CELSR1: variants seen among roughly 807,000 people sequenced by gnomAD.
CELSR1 encodes the protein cadherin EGF LAG seven-pass G-type receptor 1.
A neutral mutation model predicts 249.1 loss-of-function variants in CELSR1; 110 were observed. That is an observed-to-expected ratio of 0.44 (90% confidence interval 0.38 to 0.52). The LOEUF is 0.52. Among genes scored for constraint, CELSR1 ranks in the 20% least tolerant of loss-of-function variants. The pLI, the probability that CELSR1 is intolerant of heterozygous loss-of-function variation, is 0.00. For synonymous variants in CELSR1, 2,113 were observed against 1,900.0 expected, an observed-to-expected ratio of 1.11 and a Z score of -2.92; for missense variants, 4,109 against 4,296.4, an observed-to-expected ratio of 0.96 and a Z score of 1.22.
intron 30 of CELSR1, among the ~76,000 whole-genome samples, 163 bp downstream of exon 30, chr22:46,366,223 G>T (rs1239274161): frequency 2.1e-5 from 1 of 47,118 alleles, no homozygotes; most frequent in Non-Finnish European, 3.9e-5. Context: ...GGGAGGGAAG[G>T]TGCGGGGCAG....
chr22:46,394,399 G>A (rs533737663), intron 13 of CELSR1, 137 bp from the exon 14 acceptor site: 84 of 983,914 alleles, frequency 8.5e-5, no homozygotes, highest in East Asian at 4.4e-4. Context: ...CCCCTTCCAC[G>A]TTACATGGCC....
intron 1 of CELSR1, among the ~76,000 whole-genome samples, chr22:46,474,234 C>T (rs995844365): frequency 1.3e-5 from 2 of 152,180 alleles, no homozygotes; most frequent in African/African-American, 4.8e-5. Context: ...TCCTTGTCCC[C>T]ATCTGTGCCA....
chr22:46,444,801 C>G (rs934346549), intron 2 of CELSR1, among the ~76,000 whole-genome samples: 12 of 152,136 alleles, frequency 7.9e-5, no homozygotes, highest in African/African-American at 2.9e-4. Context: ...GTGGATCTCT[C>G]CTGCCTCTAC....
chr22:46,436,104 G>A lies in CELSR1; in HGVS notation c.4522+70C>T, dbSNP rs9616007. The stretch of plus-strand genomic sequence containing the variant: ...GCAGCTTGGAGGCGCTGCACAGGGC[G>A]AGGGTCGTTTTAACCCACAAAGTAT... On this transcript the variant is annotated intron_variant, in intron 4 of 34. Transcript: ENST00000674500. The surrounding 1 kb of genome is among the most constrained non-coding windows in gnomAD (Gnocchi z 5.9). The A allele has an allele frequency of 0.041, 49,521 of 1,216,126 alleles. 1,212 individuals carry two copies. Among genetic ancestry groups the A allele is most frequent in the Non-Finnish European group, 0.052 (42,695 of 826,846 alleles). 75.3% of individuals were successfully genotyped at this position (1,216,126 alleles called of 1,614,324 possible).
At chr22:46,405,816 C>T (rs531749800) in intron 9 of CELSR1, among the ~76,000 whole-genome samples, 1 of 152,278 alleles carries the variant, frequency 6.6e-6, no homozygotes, top group Admixed American at 6.5e-5. Flanking sequence ...TGCTGCTTTA[C>T]GGAGCTCACA....
intron 5 of CELSR1, among the ~76,000 whole-genome samples, chr22:46,419,820 C>T (rs972428117): frequency 6.0e-5 from 9 of 151,210 alleles, no homozygotes; most frequent in Non-Finnish European, 1.2e-4. Context: ...CACTCATACT[C>T]GTGCACATTT....
In CELSR1 at chr22:46,485,475, G is replaced by A. The variant is rs1468897307; in HGVS notation, c.3545-21130C>T. On this transcript the variant is annotated intron_variant, in intron 1 of 34. Transcript: ENST00000674500. Reference sequence around the variant, plus strand: ...CAAAGCTCCGTTTGGACGGGAGGAGGCCCATGTGCCTGGGAGGCTGCATGC... The same window carrying A: ...CAAAGCTCCGTTTGGACGGGAGGAGACCCATGTGCCTGGGAGGCTGCATGC... Among the ~76,000 whole-genome samples, 4 of 152,328 alleles carry A rather than the reference G, an allele frequency of 2.6e-5. No individual in the cohort carries two copies. The East Asian group carries it at 7.7e-4, about 29-fold the overall frequency.
chr22:46,463,716 C>T lies in CELSR1; in HGVS notation c.4174G>A (p.Asp1392Asn), dbSNP rs772126667. 1 of 1,524,864 alleles carries T rather than the reference C, an allele frequency of 6.6e-7. No homozygotes were observed. Among genetic ancestry groups the T allele is most frequent in the Non-Finnish European group, 8.8e-7 (1 of 1,138,044 alleles). The allele number at this position is 1,524,864 out of a possible 1,614,324, so 94.5% of individuals were successfully genotyped here. A position where few individuals can be genotyped will look rare whatever the true frequency, so the allele number is the denominator to read the frequency against. Residue 1392 changes from aspartate (D) to asparagine (N), a missense_variant, in exon 2 of 35, where the codon GAC (aspartate) becomes AAC (asparagine). This residue lies in a region of CELSR1 where 453 missense variants were observed against 492.0 expected (regional missense o/e 0.92). Coordinates refer to ENST00000674500, the MANE Select transcript of CELSR1 (RefSeq NM_001378328.1). ...GAGCCCGGGCACCTACCAGTGAAGT[C>T]CTCGAAGCACTCGCAGGTGTAGCCG... Reference protein sequence around the residue: ...EGGYTCECFEDFTGEHCEVDA... With the variant: ...EGGYTCECFENFTGEHCEVDA...
Position 46,500,372 on chromosome 22 carries a change from G to A in CELSR1, c.3544+33255C>T, listed in dbSNP as rs1453141267. Among the ~76,000 whole-genome samples, 3 of 152,310 alleles carry A rather than the reference G, an allele frequency of 2.0e-5. No homozygotes were observed. Among genetic ancestry groups the A allele is most frequent in the South Asian group, 4.1e-4 (2 of 4,828 alleles). On this transcript the variant is annotated intron_variant, in intron 1 of 34. Coordinates refer to ENST00000674500, the MANE Select transcript of CELSR1 (RefSeq NM_001378328.1). The surrounding 1 kb of genome is among the most constrained non-coding windows in gnomAD (Gnocchi z 4.9). The stretch of plus-strand genomic sequence containing the variant: ...CGCTGACAGCCCCCTCCCCCATGGC[G>A]CAGAGATCACATTTACAGCGGTGGC...
chr22:46,495,119 A>C (rs1266517228), intron 1 of CELSR1, among the ~76,000 whole-genome samples: 1 of 152,144 alleles, frequency 6.6e-6, no homozygotes, highest in Non-Finnish European at 1.5e-5. Context: ...GACTGCTCCT[A>C]GGCTTAGACC....
In CELSR1 at chr22:46,396,792, C is replaced by A. The variant is rs74788410; in HGVS notation, c.5702-46G>T. On this transcript the variant is annotated intron_variant, in intron 12 of 34. Transcript: ENST00000674500. The surrounding 1 kb of genome is among the most constrained non-coding windows in gnomAD (Gnocchi z 6.4). ...TTACCTCCACCCACAATCCACGAGACCTTCCACGTTAAAATATCTGGAGCA... is the reference window on the plus strand; with the variant it reads ...TTACCTCCACCCACAATCCACGAGAACTTCCACGTTAAAATATCTGGAGCA... 0.058 allele frequency: 92,058 copies of A among 1,593,812 alleles called. 2,964 individuals are homozygous for A. The highest frequency in any genetic ancestry group is 0.066 in the Non-Finnish European group (77,180 of 1,170,144).
In CELSR1 at chr22:46,363,209, T is replaced by G; in HGVS notation, c.*14A>C. On this transcript the variant is annotated 3_prime_UTR_variant, in exon 35 of 35. Coordinates refer to ENST00000674500, the MANE Select transcript of CELSR1 (RefSeq NM_001378328.1). The surrounding 1 kb of genome is among the most constrained non-coding windows in gnomAD (Gnocchi z 4.3). ...TTTCCTGATGGTTCAAATTGAAGTTTCATTACTGATGGTTCAAATTGAAGT... is the reference window on the plus strand; with the variant it reads ...TTTCCTGATGGTTCAAATTGAAGTTGCATTACTGATGGTTCAAATTGAAGT... 1.3e-6 allele frequency: 2 copies of G among 1,578,846 alleles called. No individual in the cohort carries two copies. The highest frequency in any genetic ancestry group is 1.7e-6 in the Non-Finnish European group (2 of 1,177,460).
chr22:46,439,129 G>A (rs1230621694), intron 3 of CELSR1, 60 bp downstream of exon 3: 37 of 1,477,402 alleles, frequency 2.5e-5, no homozygotes, highest in South Asian at 7.5e-5. Flanking sequence ...TGGGGTGCAC[G>A]GAGAAGCTCG....
rs775015309 is a variant in CELSR1, at chr22:46,383,695, T to TA, written c.6883+847dup. Among the ~76,000 whole-genome samples, 17 of 152,012 alleles carry TA rather than the reference T, an allele frequency of 1.1e-4. No individual in the cohort carries two copies. The East Asian group carries it at 1.5e-3, about 14-fold the overall frequency. ...GCATGCGCCACCATGCCCAGGTAAT[T>TA]AAAAAAAACTTCTTTAGTAGAGATG... On this transcript the variant is annotated intron_variant, in intron 20 of 34. Transcript: ENST00000674500.
At chr22:46,369,508 T>C (rs2078826898) in intron 26 of CELSR1, among the ~76,000 whole-genome samples, 184 bp downstream of exon 26, 1 of 152,200 alleles carries the variant, frequency 6.6e-6, no homozygotes, top group African/African-American at 2.4e-5. Context: ...ACGCGAGACC[T>C]GAATCCACGA....
rs1220817797 is a variant in CELSR1, at chr22:46,429,763, G to A, written c.4611+3630C>T. Among the ~76,000 whole-genome samples the A allele has an allele frequency of 6.6e-6, 1 of 152,192 alleles. No individual in the cohort carries two copies. The highest frequency in any genetic ancestry group is 1.5e-5 in the Non-Finnish European group (1 of 68,034). ...CTGGTTAGCTGTGCCCCTCCTGGGT[G>A]GTCCGCAGCCCTCTCCTGTGGCTTC... On this transcript the variant is annotated intron_variant, in intron 5 of 34. Transcript: ENST00000674500. The surrounding 1 kb of genome is among the most constrained non-coding windows in gnomAD (Gnocchi z 4.1).
intron 12 of CELSR1, among the ~76,000 whole-genome samples, chr22:46,397,277 CTTTTT>C (rs528088887): frequency 7.5e-4 from 59 of 78,740 alleles, no homozygotes; most frequent in African/African-American, 3.2e-3. Context: ...CTAATTTTTG[CTTTTT>C]TTTTTTTTTT....
Position 46,381,515 on chromosome 22 carries a change from A to G in CELSR1, c.7088+331T>C, listed in dbSNP as rs1291541340. On this transcript the variant is annotated intron_variant, in intron 21 of 34. Transcript: ENST00000674500. This position sits in a 1 kb window ranked among gnomAD's most constrained non-coding sequence, Gnocchi z 6.0. ...CCGGGGCCAGCAGCAGGCACTACCC[A>G]TGACAGCCTTGGGCCAGGTGTGTGG... Among the ~76,000 whole-genome samples, 2 of 152,190 alleles carry G rather than the reference A, an allele frequency of 1.3e-5. No homozygotes were observed. Among genetic ancestry groups the G allele is most frequent in the Non-Finnish European group, 2.9e-5 (2 of 68,022 alleles).
chr22:46,496,282 C>A (rs2080412999), intron 1 of CELSR1, among the ~76,000 whole-genome samples: 1 of 150,290 alleles, frequency 6.7e-6, no homozygotes, highest in African/African-American at 2.5e-5. Context: ...AAAATATTTT[C>A]TTGGGCCAAG....
Sources: gnomAD v4.1 joint callset for allele counts (sites outside exome capture counted in the v4.1 genomes callset) on GRCh38, gnomAD v4.1.1 for gene constraint, gnomAD v4.1.1 regional missense constraint, Gnocchi (gnomAD v3.1) non-coding constraint, MANE v1.5 for transcripts, NCBI Gene and HGNC (gene_info 2026-07-23, HGNC 2026-07-21) for gene names.